The following CLSTN2 variants were observed in gnomAD, a reference collection of about 807,000 sequenced individuals.
The protein encoded by CLSTN2 is calsyntenin 2.
In CLSTN2, 48 loss-of-function variants were observed where a neutral mutation model predicts 101.2. That is an observed-to-expected ratio of 0.47 (90% CI 0.38 to 0.60). CLSTN2 has a LOEUF of 0.60. Ranked by LOEUF, CLSTN2 falls within the 20% of genes least tolerant of loss-of-function variation. CLSTN2 has a pLI of 0.00. For missense variants in CLSTN2, 1,160 were observed against 1,238.2 expected, an observed-to-expected ratio of 0.94 and a Z score of 0.95; for synonymous variants, 481 against 463.6, an observed-to-expected ratio of 1.04 and a Z score of -0.48.
intron 1 of CLSTN2, among the ~76,000 whole-genome samples, chr3:140,114,728 G>A (rs1216355900): frequency 6.6e-6 from 1 of 151,880 alleles, no homozygotes; most frequent in Non-Finnish European, 1.5e-5. Context: ...TATTTCTGGT[G>A]TCTGACACAC....
chr3:140,010,206 G>A (rs1014178793), intron 1 of CLSTN2, among the ~76,000 whole-genome samples: 1 of 152,168 alleles, frequency 6.6e-6, no homozygotes, highest in Non-Finnish European at 1.5e-5. Flanking sequence ...ACTTATGCTT[G>A]TCTTTTATTT....
chr3:140,388,435 A>G (rs1306747303), intron 2 of CLSTN2, among the ~76,000 whole-genome samples: 1 of 152,258 alleles, frequency 6.6e-6, no homozygotes, highest in Non-Finnish European at 1.5e-5. Context: ...GTGGACAAAC[A>G]TCAGCAGTTA....
At chr3:140,409,508 T>G (rs1289822132) in intron 4 of CLSTN2, among the ~76,000 whole-genome samples, 1 of 152,186 alleles carries the variant, frequency 6.6e-6, no homozygotes, top group African/African-American at 2.4e-5. Context: ...CACAGTGCTC[T>G]CCAGCATTAC....
At chr3:139,973,962 T>C (rs1412648422) in intron 1 of CLSTN2, among the ~76,000 whole-genome samples, 1 of 152,270 alleles carries the variant, frequency 6.6e-6, no homozygotes, top group East Asian at 1.9e-4. Context: ...AAGAAGCTGA[T>C]ATTGCCCACC....
chr3:140,095,205 C>T (rs530079209), intron 1 of CLSTN2, among the ~76,000 whole-genome samples: 5 of 152,224 alleles, frequency 3.3e-5, no homozygotes, highest in Admixed American at 6.5e-5. Flanking sequence ...GGGCTAGGAG[C>T]GTTAATGGCA....
intron 1 of CLSTN2, among the ~76,000 whole-genome samples, chr3:140,020,453 C>T (rs1377267760): frequency 6.6e-6 from 1 of 152,188 alleles, no homozygotes; most frequent in African/African-American, 2.4e-5. Context: ...TCATGCATCT[C>T]GTCTTAGCTT....
chr3:140,071,588 T>C (rs561613567), intron 1 of CLSTN2, among the ~76,000 whole-genome samples: 10 of 152,254 alleles, frequency 6.6e-5, no homozygotes, highest in Admixed American at 1.3e-4. Flanking sequence ...TCCCAGCCCT[T>C]TGGGAGGCTG....
chr3:140,042,058 T>C (rs2007771929), intron 1 of CLSTN2, among the ~76,000 whole-genome samples: 1 of 152,240 alleles, frequency 6.6e-6, no homozygotes, highest in South Asian at 2.1e-4. Context: ...TTAAAGAGCA[T>C]GAGTCAATGG....
intron 1 of CLSTN2, among the ~76,000 whole-genome samples, chr3:139,998,336 C>CTTT (rs60541490): frequency 0.36 from 23,500 of 65,240 alleles, 5,996 homozygotes; most frequent in Middle Eastern, 0.55. Flanking sequence ...CCCCACATGC[C>CTTT]TTTTTTTTTT....
chr3:140,451,302 C>T (rs1328862008), intron 6 of CLSTN2, among the ~76,000 whole-genome samples: 3 of 152,158 alleles, frequency 2.0e-5, no homozygotes, highest in Admixed American at 6.5e-5. Flanking sequence ...AAGAAATTTT[C>T]GAACAAAATT....
intron 2 of CLSTN2, among the ~76,000 whole-genome samples, chr3:140,310,443 A>G (rs755344443): frequency 5.9e-5 from 9 of 152,114 alleles, no homozygotes; most frequent in Non-Finnish European, 1.3e-4. Flanking sequence ...TCTTCTGGAA[A>G]GGCACCACCC....
At chr3:140,293,370 T>G (rs1266657073) in intron 2 of CLSTN2, among the ~76,000 whole-genome samples, 3 of 152,136 alleles carry the variant, frequency 2.0e-5, no homozygotes, top group Non-Finnish European at 4.4e-5. Context: ...GGCAAGGCTG[T>G]GAATTATCTT....
At chr3:140,097,387 C>T (rs1207432732) in intron 1 of CLSTN2, among the ~76,000 whole-genome samples, 1 of 152,122 alleles carries the variant, frequency 6.6e-6, no homozygotes, top group Admixed American at 6.6e-5. Flanking sequence ...TGCTACAGCA[C>T]CCCCTGCTTT....
At position 140,264,759 on chromosome 3, in the gene CLSTN2, T is replaced by C. The variant is rs1196887567; in HGVS notation, c.232+88686T>C. On this transcript the variant is annotated intron_variant, in intron 2 of 16. Transcript: ENST00000458420. The stretch of plus-strand genomic sequence containing the variant: ...GGGACAGAGAGAGCAGAGTGAGAAT[T>C]GCTCAGGGGTTTTTAGGACAGCTGA... Among the ~76,000 whole-genome samples, 16 of 152,090 alleles carry C rather than the reference T, an allele frequency of 1.1e-4. No individual in the cohort carries two copies. The East Asian group carries it at 3.1e-3, about 29-fold the overall frequency.
At chr3:140,105,967 G>A (rs1008590334) in intron 1 of CLSTN2, among the ~76,000 whole-genome samples, 1 of 152,162 alleles carries the variant, frequency 6.6e-6, no homozygotes, top group South Asian at 2.1e-4. Flanking sequence ...GTCTGCAGAG[G>A]CTGGCATGGT....
At chr3:140,557,336 G>T (rs1305093111) in intron 11 of CLSTN2, among the ~76,000 whole-genome samples, 1 of 152,208 alleles carries the variant, frequency 6.6e-6, no homozygotes, top group African/African-American at 2.4e-5. Flanking sequence ...TGGATCTGCT[G>T]ACTGCCACAT....
intron 2 of CLSTN2, among the ~76,000 whole-genome samples, chr3:140,230,041 G>A (rs1559813098): frequency 6.6e-6 from 1 of 152,056 alleles, no homozygotes; most frequent in Middle Eastern, 3.2e-3. Flanking sequence ...CCTGTGAGCT[G>A]CTTGAGGTAT....
chr3:140,137,632 T>C (rs1400192929), intron 1 of CLSTN2, among the ~76,000 whole-genome samples: 2 of 152,232 alleles, frequency 1.3e-5, no homozygotes, highest in Admixed American at 1.3e-4. Flanking sequence ...TGGCATTGCA[T>C]ACTTACAAAT....
intron 2 of CLSTN2, among the ~76,000 whole-genome samples, chr3:140,313,321 C>G (rs1257015397): frequency 6.6e-6 from 1 of 152,132 alleles, no homozygotes; most frequent in African/African-American, 2.4e-5. Flanking sequence ...AGACTCAGAG[C>G]TTTCTGACTC....
Sources: allele counts gnomAD v4.1 joint callset (sites outside exome capture counted in the v4.1 genomes callset), GRCh38; gene constraint gnomAD v4.1.1; transcripts MANE v1.5; gene names NCBI Gene and HGNC (gene_info 2026-07-23, HGNC 2026-07-21).